NRG1: variants seen among roughly 807,000 people sequenced by gnomAD.
The protein encoded by NRG1 is pro-neuregulin-1, membrane-bound isoform.
NRG1 carries 18 observed loss-of-function variants against 63.8 expected under a neutral mutation model. That is an observed-to-expected ratio of 0.28 (90% CI 0.19 to 0.42). The LOEUF (loss-of-function observed/expected upper bound fraction) is 0.42. NRG1 is among the 10% of genes least tolerant of loss of function. The probability of loss-of-function intolerance (pLI) is 1.00; values close to 1 mark genes in which losing one functional copy is unlikely to be tolerated. For synonymous variants in NRG1, 302 were observed against 301.3 expected (o/e 1.00, Z -0.02); for missense variants, 762 against 814.7 (o/e 0.94, Z 0.79).
intron 1 of NRG1, among the ~76,000 whole-genome samples, chr8:32,238,865 G>A (rs1563940390): frequency 6.6e-6 from 1 of 152,188 alleles, no homozygotes; most frequent in Admixed American, 6.5e-5. Flanking sequence ...GCCAAAAACA[G>A]TGACCAGGCT....
chr8:32,326,150 C>T (rs1801983950), intron 1 of NRG1, among the ~76,000 whole-genome samples: 1 of 151,878 alleles, frequency 6.6e-6, no homozygotes, highest in Admixed American at 6.6e-5. Context: ...GCTGCGATTA[C>T]AGGCGCACGC....
chr8:32,148,920 A>T (rs940664175), intron 1 of NRG1, among the ~76,000 whole-genome samples: 5 of 152,198 alleles, frequency 3.3e-5, no homozygotes, highest in African/African-American at 9.7e-5. Context: ...TCCTAAGATC[A>T]GGGTCTGGAT....
At chr8:32,725,160 G>T (rs1041538807) in intron 5 of NRG1, among the ~76,000 whole-genome samples, 1 of 152,048 alleles carries the variant, frequency 6.6e-6, no homozygotes, top group Non-Finnish European at 1.5e-5. Context: ...TGGAATGTTG[G>T]TTTTGTTGTT....
chr8:31,994,801 TA>T (rs201819090), intron 1 of NRG1, among the ~76,000 whole-genome samples: 2 of 151,450 alleles, frequency 1.3e-5, no homozygotes, highest in South Asian at 2.1e-4. Flanking sequence ...TTCTTTTGGG[TA>T]AAAAAAATGT....
intron 1 of NRG1, among the ~76,000 whole-genome samples, chr8:32,069,678 G>A (rs1825453466): frequency 6.6e-6 from 1 of 152,138 alleles, no homozygotes; most frequent in Non-Finnish European, 1.5e-5. Context: ...TTGTGACCCT[G>A]AGACTAGCAT....
At chr8:32,092,248 C>T (rs10954826) in intron 1 of NRG1, among the ~76,000 whole-genome samples, 60,611 of 151,420 alleles carry the variant, frequency 0.4, 13,787 homozygotes, top group Admixed American at 0.5. Context: ...CGCTTGAGCC[C>T]AGTTCTAGAC....
intron 1 of NRG1, among the ~76,000 whole-genome samples, chr8:31,816,089 T>A (rs1228574241): frequency 1.3e-5 from 2 of 152,226 alleles, no homozygotes; most frequent in Non-Finnish European, 2.9e-5. Context: ...GATTTGGCTT[T>A]GATGGCACTA....
intron 1 of NRG1, among the ~76,000 whole-genome samples, chr8:31,881,882 G>T (rs573271440): frequency 1.3e-4 from 20 of 152,222 alleles, no homozygotes; most frequent in African/African-American, 4.8e-4. Flanking sequence ...GGTTCATGAG[G>T]TTTAAGGAAA....
chr8:32,271,170 A>C (rs187799436), intron 1 of NRG1, among the ~76,000 whole-genome samples: 2 of 152,260 alleles, frequency 1.3e-5, no homozygotes, highest in Non-Finnish European at 2.9e-5. Context: ...TTTTCCAAAA[A>C]CTGCGTGAAT....
intron 1 of NRG1, among the ~76,000 whole-genome samples, chr8:31,786,856 A>G (rs1820221757): frequency 6.6e-6 from 1 of 152,114 alleles, no homozygotes; most frequent in Admixed American, 6.6e-5. Context: ...TCTGAACCCA[A>G]TCCTTTTGGG....
chr8:32,466,826 G>A (rs1222342427), intron 1 of NRG1, among the ~76,000 whole-genome samples: 1 of 151,980 alleles, frequency 6.6e-6, no homozygotes, highest in Non-Finnish European at 1.5e-5. Flanking sequence ...ACCTGAAGCA[G>A]TAACTCCTCT....
In NRG1 at chr8:31,809,741, G is replaced by GTTT. The variant is rs753730069; in HGVS notation, c.37+170329_37+170331dup. Among the ~76,000 whole-genome samples, 400 of 67,926 alleles carry GTTT rather than the reference G, an allele frequency of 5.9e-3. 1 individual carries two copies. Among genetic ancestry groups the GTTT allele is most frequent in the Non-Finnish European group, 8.2e-3 (314 of 38,080 alleles). The allele number at this position is 67,926 out of a possible 152,430, so 44.6% of individuals were successfully genotyped here. On this transcript the variant is annotated intron_variant, in intron 1 of 10. Coordinates refer to the NRG1 transcript ENST00000519301. Reference sequence around the variant, plus strand: ...TTTTTTTCTACTCCTTCTATTAATTGTTTTTTTTTTTTTTTTTTTTTGAGA... The same window carrying GTTT: ...TTTTTTTCTACTCCTTCTATTAATTGTTTTTTTTTTTTTTTTTTTTTTTTGAGA...
intron 1 of NRG1, among the ~76,000 whole-genome samples, chr8:32,397,739 CCTCTTCCCCAG>C (rs1812629313): frequency 6.6e-6 from 1 of 152,190 alleles, no homozygotes; most frequent in Non-Finnish European, 1.5e-5. Context: ...AACACACCCT[CCTCTTCCCCAG>C]CCAGCACTCA....
chr8:32,161,502 A>G (rs1001505308), intron 1 of NRG1, among the ~76,000 whole-genome samples: 14 of 152,204 alleles, frequency 9.2e-5, no homozygotes, highest in African/African-American at 3.4e-4. Flanking sequence ...TGTCTATATT[A>G]TAAAAGTATG....
chr8:32,650,655 C>CAAAAAAAAAAAAAAA (rs59103241), intron 5 of NRG1, among the ~76,000 whole-genome samples: 1 of 57,818 alleles, frequency 1.7e-5, no homozygotes, highest in Non-Finnish European at 2.9e-5. Flanking sequence ...TAATGGAAAG[C>CAAAAAAAAAAAAAAA]AAAAAAAAAA....
intron 1 of NRG1, among the ~76,000 whole-genome samples, chr8:32,342,689 G>A (rs1260499370): frequency 2.6e-5 from 4 of 152,100 alleles, no homozygotes; most frequent in African/African-American, 7.2e-5. Context: ...TCATATTTAA[G>A]AATACAGTTA....
At chr8:32,190,932 A>G (rs531636057) in intron 1 of NRG1, among the ~76,000 whole-genome samples, 1 of 152,196 alleles carries the variant, frequency 6.6e-6, no homozygotes, top group South Asian at 2.1e-4. Flanking sequence ...TATAATAGGC[A>G]GTACTTTGGT....
intron 1 of NRG1, among the ~76,000 whole-genome samples, chr8:32,081,726 G>A (rs1295147204): frequency 1.3e-5 from 2 of 151,998 alleles, no homozygotes; most frequent in Non-Finnish European, 2.9e-5. Context: ...CTTATGATCA[G>A]GTGTAACCAG....
chr8:31,694,812 G>A (rs368941959), intron 1 of NRG1, among the ~76,000 whole-genome samples: 3 of 152,134 alleles, frequency 2.0e-5, no homozygotes, highest in Admixed American at 1.3e-4. Context: ...TTTTGTTGAA[G>A]AAATGTTTTA....
Sources: allele counts gnomAD v4.1 joint callset (sites outside exome capture counted in the v4.1 genomes callset), GRCh38; gene constraint gnomAD v4.1.1; transcripts MANE v1.5; gene names NCBI Gene and HGNC (gene_info 2026-07-23, HGNC 2026-07-21).